Variants in KHDRBS2 observed in about 807,000 individuals in gnomAD.
KHDRBS2 encodes the protein KH domain-containing, RNA-binding, signal transduction-associated protein 2.
A neutral mutation model predicts 44.3 loss-of-function variants in KHDRBS2; 26 were observed. The ratio of observed to expected loss-of-function variants is 0.59; its 90% CI spans 0.43 to 0.81. The LOEUF (loss-of-function observed/expected upper bound fraction) is 0.81, where lower values mean the gene tolerates loss of function less well. Ranked by LOEUF, KHDRBS2 falls within the 40% of genes least tolerant of loss-of-function variation. The pLI, the probability that KHDRBS2 is intolerant of heterozygous loss-of-function variation, is 0.00. For missense variants in KHDRBS2, 476 were observed against 433.1 expected, an observed-to-expected ratio of 1.10 and a Z score of -0.88; for synonymous variants, 194 against 151.1, an observed-to-expected ratio of 1.28 and a Z score of -2.08.
chr6:62,058,586 C>A (rs974086318), intron 2 of KHDRBS2, among the ~76,000 whole-genome samples: 10 of 151,842 alleles, frequency 6.6e-5, no homozygotes, highest in Admixed American at 5.3e-4. Context: ...CAAAAATATT[C>A]TTCTTGTATA....
At chr6:62,035,654 T>C (rs1487663343) in intron 3 of KHDRBS2, among the ~76,000 whole-genome samples, 4 of 152,000 alleles carry the variant, frequency 2.6e-5, no homozygotes, top group Non-Finnish European at 5.9e-5. Context: ...TATTATTGGA[T>C]TGTTTGTAAT....
the KHDRBS2 span, among the ~76,000 whole-genome samples, chr6:61,559,828 T>C: frequency 6.6e-6 from 1 of 152,222 alleles, no homozygotes; most frequent in Non-Finnish European, 1.5e-5. Flanking sequence ...TCTTTCTGCA[T>C]AACATATGAG....
the KHDRBS2 span, among the ~76,000 whole-genome samples, chr6:61,665,899 A>G: frequency 6.6e-6 from 1 of 150,992 alleles, no homozygotes; most frequent in South Asian, 2.1e-4. Flanking sequence ...ATAGTTTCAC[A>G]TTTTATACAT....
chr6:61,639,336 A>G, the KHDRBS2 span, among the ~76,000 whole-genome samples: 1 of 152,026 alleles, frequency 6.6e-6, no homozygotes, highest in Non-Finnish European at 1.5e-5. Context: ...CTTCTGCTGA[A>G]TTATTTTACT....
chr6:62,262,595 T>G, intron 1 of KHDRBS2, among the ~76,000 whole-genome samples: 1 of 151,926 alleles, frequency 6.6e-6, no homozygotes, highest in Non-Finnish European at 1.5e-5. Flanking sequence ...AAACATTTGT[T>G]GAAATTAATC....
At chr6:61,647,498 G>A in the KHDRBS2 span, among the ~76,000 whole-genome samples, 11 of 152,060 alleles carry the variant, frequency 7.2e-5, no homozygotes, top group Non-Finnish European at 1.6e-4. Flanking sequence ...ATTCCTCCCT[G>A]CCATAGATAT....
At chr6:62,086,511 T>C (rs1798402684) in intron 2 of KHDRBS2, among the ~76,000 whole-genome samples, 1 of 152,170 alleles carries the variant, frequency 6.6e-6, no homozygotes, top group East Asian at 1.9e-4. Flanking sequence ...TGGCATAGTG[T>C]TGAAATCTCC....
chr6:62,056,937 T>C (rs1439476209), intron 2 of KHDRBS2, among the ~76,000 whole-genome samples: 1 of 151,982 alleles, frequency 6.6e-6, no homozygotes, highest in Admixed American at 6.6e-5. Context: ...TATTTTATTT[T>C]TAACCAATAA....
In KHDRBS2 at chr6:62,240,971, C is replaced by T. The variant is rs549256936; in HGVS notation, c.91+44887G>A. On this transcript the variant is annotated intron_variant, in intron 1 of 8. Coordinates refer to ENST00000281156, the MANE Select transcript of KHDRBS2 (RefSeq NM_152688.4). ...TTTGCGTTTAATCTTACATACTTCA[C>T]TCATTTCCAAAGATAATTAGATCAG... 2.7e-4 allele frequency among the ~76,000 whole-genome samples: 41 copies of T among 151,998 alleles called. No homozygotes were observed. The South Asian group carries it at 5.2e-3, about 19-fold the overall frequency.
At chr6:61,913,034 G>A (rs1562429013) in intron 4 of KHDRBS2, among the ~76,000 whole-genome samples, 1 of 152,040 alleles carries the variant, frequency 6.6e-6, no homozygotes, top group African/African-American at 2.4e-5. Context: ...TCACAGACAT[G>A]GGAGAAGACC....
At chr6:62,250,460 T>C (rs946265458) in intron 1 of KHDRBS2, among the ~76,000 whole-genome samples, 2 of 151,766 alleles carry the variant, frequency 1.3e-5, no homozygotes, top group African/African-American at 2.4e-5. Context: ...TTAGGAAACA[T>C]TTCAGATATA....
At chr6:61,940,643 C>T (rs1811957966) in intron 4 of KHDRBS2, among the ~76,000 whole-genome samples, 1 of 152,078 alleles carries the variant, frequency 6.6e-6, no homozygotes, top group African/African-American at 2.4e-5. Context: ...AGCAAGGTAC[C>T]ATTTTAGAGC....
intron 1 of KHDRBS2, among the ~76,000 whole-genome samples, chr6:62,250,938 A>C (rs1355469090): frequency 1.3e-5 from 2 of 152,018 alleles, no homozygotes; most frequent in Non-Finnish European, 2.9e-5. Context: ...TTTGGTCCCA[A>C]GCTGGATGCT....
chr6:61,799,320 T>C (rs531471321), intron 6 of KHDRBS2, among the ~76,000 whole-genome samples: 1 of 152,120 alleles, frequency 6.6e-6, no homozygotes, highest in African/African-American at 2.4e-5. Context: ...TAAAAATGCA[T>C]TCTTATTACT....
intron 5 of KHDRBS2, among the ~76,000 whole-genome samples, chr6:61,898,067 T>G (rs1330171590): frequency 6.6e-6 from 1 of 152,108 alleles, no homozygotes; most frequent in East Asian, 1.9e-4. Flanking sequence ...ATAGGATTAT[T>G]GAAATGTAAA....
rs773403267 is a variant in KHDRBS2, at chr6:61,732,694, G to A, written c.881C>T (p.Thr294Ile). The change falls in exon 7 of 9, where the codon ACC (threonine) becomes ATC (isoleucine). Residue 294 changes from threonine to isoleucine, a missense_variant. Transcript: ENST00000281156. ...GCAAATGCCTTACCTTTGTGTTTGG[G>A]TCGCATAGCTGTTATCATAAGTCTC... ...TYETYDNSYA[T>I]QTQSVPEYYD... The A allele has an allele frequency of 6.9e-6, 11 of 1,604,936 alleles. No individual in the cohort carries two copies.
chr6:61,543,311 G>A, the KHDRBS2 span, among the ~76,000 whole-genome samples: 4 of 151,918 alleles, frequency 2.6e-5, no homozygotes, highest in African/African-American at 9.7e-5. Context: ...GATCTCAGTA[G>A]ACATTTATCA....
intron 4 of KHDRBS2, among the ~76,000 whole-genome samples, chr6:61,941,212 T>A (rs747896855): frequency 1.3e-5 from 2 of 152,128 alleles, no homozygotes; most frequent in Non-Finnish European, 2.9e-5. Flanking sequence ...AGGTTGGGCA[T>A]ACACACCATA....
intron 4 of KHDRBS2, among the ~76,000 whole-genome samples, chr6:61,951,909 T>TC (rs397951314): frequency 2.6e-4 from 40 of 152,018 alleles, no homozygotes; most frequent in Non-Finnish European, 4.9e-4. Context: ...TACAATTTTT[T>TC]CAGTTTAAAT....
Sources: allele counts gnomAD v4.1 joint callset (sites outside exome capture counted in the v4.1 genomes callset), GRCh38; gene constraint gnomAD v4.1.1; transcripts MANE v1.5; gene names NCBI Gene and HGNC (gene_info 2026-07-23, HGNC 2026-07-21).